Variants in SLAIN2 observed in about 807,000 individuals in gnomAD.
SLAIN2 encodes the protein SLAIN family member 2.
In SLAIN2, 31 loss-of-function variants were observed where a neutral mutation model predicts 56.6. The observed-to-expected ratio is 0.55, with a 90% CI of 0.41 to 0.74. The LOEUF (loss-of-function observed/expected upper bound fraction) is 0.74, where lower values mean the gene tolerates loss of function less well. Ranked by LOEUF, SLAIN2 falls within the 30% of genes least tolerant of loss-of-function variation. SLAIN2 has a pLI of 0.00. For synonymous variants in SLAIN2, 317 were observed against 284.9 expected, an observed-to-expected ratio of 1.11 and a Z score of -1.13; for missense variants, 777 against 754.2, an observed-to-expected ratio of 1.03 and a Z score of -0.35.
At position 48,420,106 on chromosome 4, in the gene SLAIN2, T is replaced by C. The variant is rs779745952; in HGVS notation, c.1361-19T>C. ...ACAGATTTCCACTCAAAAATTGGTT[T>C]TTCTTTGCCATCCCACAGTACCTTC... is the stretch of plus-strand genomic sequence containing the variant. On this transcript the variant is annotated intron_variant, in intron 6 of 7. Transcript: ENST00000264313. 2 of 1,610,538 alleles carry C rather than the reference T, an allele frequency of 1.2e-6. No individual in the cohort carries two copies. Among genetic ancestry groups the C allele is most frequent in the East Asian group, 4.5e-5 (2 of 44,698 alleles).
At chr4:48,420,485 A>G (rs768912623) in intron 7 of SLAIN2, 42 bp downstream of exon 7, 2 of 1,600,874 alleles carry the variant, frequency 1.2e-6, no homozygotes, top group East Asian at 4.5e-5. Flanking sequence ...TGAGTGCCTG[A>G]AAGTGGATAG....
chr4:48,367,734 C>T (rs1715556537), intron 1 of SLAIN2, among the ~76,000 whole-genome samples: 1 of 151,944 alleles, frequency 6.6e-6, no homozygotes, highest in African/African-American at 2.4e-5. Context: ...CACTTTGCAA[C>T]TTTTTAAAAA....
chr4:48,385,728 G>A (rs1427657449), intron 6 of SLAIN2, among the ~76,000 whole-genome samples: 1 of 151,078 alleles, frequency 6.6e-6, no homozygotes, highest in African/African-American at 2.4e-5. Flanking sequence ...CACCTTCCTG[G>A]GCTCAAGTGA....
intron 1 of SLAIN2, among the ~76,000 whole-genome samples, chr4:48,358,212 AT>A (rs1429738421): frequency 1.3e-5 from 2 of 152,172 alleles, no homozygotes; most frequent in Admixed American, 1.3e-4. Flanking sequence ...TAATTTTGTA[AT>A]GAAGATTGAA....
chr4:48,419,447 C>T (rs1420817189), intron 6 of SLAIN2, among the ~76,000 whole-genome samples: 2 of 152,108 alleles, frequency 1.3e-5, no homozygotes, highest in Non-Finnish European at 2.9e-5. Flanking sequence ...GTCACCCAGG[C>T]CGGAGTGCAG....
intron 2 of SLAIN2, among the ~76,000 whole-genome samples, 178 bp downstream of exon 2, chr4:48,370,175 A>G (rs947379891): frequency 2.0e-5 from 3 of 152,192 alleles, no homozygotes; most frequent in Non-Finnish European, 2.9e-5. Context: ...CATTTACTTA[A>G]TAGCTTTTTA....
chr4:48,379,860 A>G lies in SLAIN2; in HGVS notation c.862+12A>G, dbSNP rs1015789659. On this transcript the variant is annotated intron_variant, in intron 4 of 7. Transcript: ENST00000264313. Reference sequence around the variant, plus strand: ...GATGCAGGAAGAAAGTAAGTATTCTAATTGTTAAGAGTTGAGGTTTTTTAC... The same window carrying G: ...GATGCAGGAAGAAAGTAAGTATTCTGATTGTTAAGAGTTGAGGTTTTTTAC... 1 of 1,535,748 alleles carries G rather than the reference A, an allele frequency of 6.5e-7. No homozygotes were observed. The highest frequency in any genetic ancestry group is 2.3e-5 in the Admixed American group (1 of 44,144).
At chr4:48,362,747 A>ATTTTTTTTTTTTTTTTTTTTT (rs1715365516) in intron 1 of SLAIN2, among the ~76,000 whole-genome samples, 2 of 51,500 alleles carry the variant, frequency 3.9e-5, no homozygotes, top group East Asian at 5.8e-4. Flanking sequence ...TTTTTTTTTT[A>ATTTTTTTTTTTTTTTTTTTTT]TTCTTTTTTT....
At chr4:48,389,675 T>A (rs1427973352) in intron 6 of SLAIN2, among the ~76,000 whole-genome samples, 1 of 152,170 alleles carries the variant, frequency 6.6e-6, no homozygotes, top group African/African-American at 2.4e-5. Context: ...GAGATATAGG[T>A]TTTCCCAACA....
At position 48,341,540 on chromosome 4, in the gene SLAIN2, C is replaced by G. The variant is rs1380846399; in HGVS notation, c.-200C>G. On this transcript the variant is annotated 5_prime_UTR_variant, in exon 1 of 8. Coordinates refer to ENST00000264313, the MANE Select transcript of SLAIN2 (RefSeq NM_020846.2). ...GCGCCGCCTCCCCCAATCCCGGAGC[C>G]GGCGCAGATGAGGCAGTTCGGCTGG... The G allele has an allele frequency of 1.4e-6, 1 of 696,624 alleles. No homozygotes were observed. The allele number at this position is 696,624 out of a possible 1,614,324, so 43.2% of individuals were successfully genotyped here. A position where few individuals can be genotyped will look rare whatever the true frequency, so the allele number is the denominator to read the frequency against.
chr4:48,366,615 A>G (rs1444651456), intron 1 of SLAIN2, among the ~76,000 whole-genome samples: 1 of 151,690 alleles, frequency 6.6e-6, no homozygotes, highest in Non-Finnish European at 1.5e-5. Flanking sequence ...ATTTTTTCCC[A>G]TTCTTTTACT....
chr4:48,411,574 T>C (rs1454129627), intron 6 of SLAIN2, among the ~76,000 whole-genome samples: 1 of 151,342 alleles, frequency 6.6e-6, no homozygotes, highest in Non-Finnish European at 1.5e-5. Flanking sequence ...GGAATGTCCC[T>C]GTTCTGCTCT....
At chr4:48,391,094 A>T (rs1239452314) in intron 6 of SLAIN2, among the ~76,000 whole-genome samples, 3 of 152,230 alleles carry the variant, frequency 2.0e-5, no homozygotes, top group Non-Finnish European at 4.4e-5. Flanking sequence ...AATCGCATAT[A>T]ATGACAGAAT....
intron 1 of SLAIN2, among the ~76,000 whole-genome samples, chr4:48,351,388 G>A (rs1370573102): frequency 6.6e-6 from 1 of 152,164 alleles, no homozygotes; most frequent in Non-Finnish European, 1.5e-5. Context: ...TTTAGGCTTT[G>A]AATGCTTATA....
intron 6 of SLAIN2, 26 bp from the exon 7 acceptor site, chr4:48,420,099 A>G: frequency 1.9e-6 from 3 of 1,609,154 alleles, no homozygotes; most frequent in African/African-American, 1.3e-5. Context: ...CCACTCAAAA[A>G]TTGGTTTTTC....
chr4:48,355,639 CAG>C (rs1164545714), intron 1 of SLAIN2, among the ~76,000 whole-genome samples: 1 of 152,024 alleles, frequency 6.6e-6, no homozygotes, highest in African/African-American at 2.4e-5. Context: ...GTTGTATAAA[CAG>C]AATACAGTAT....
intron 1 of SLAIN2, among the ~76,000 whole-genome samples, chr4:48,356,308 A>G (rs1281341205): frequency 1.3e-5 from 2 of 152,224 alleles, no homozygotes; most frequent in Non-Finnish European, 2.9e-5. Flanking sequence ...ATCCATACAT[A>G]TACCCATGTG....
At chr4:48,356,388 ATCT>A (rs1232884329) in intron 1 of SLAIN2, among the ~76,000 whole-genome samples, 1 of 151,992 alleles carries the variant, frequency 6.6e-6, no homozygotes. Context: ...AGCTGAAAAG[ATCT>A]GTACTAGTAG....
At chr4:48,398,888 G>A (rs934841324) in intron 6 of SLAIN2, among the ~76,000 whole-genome samples, 7 of 152,130 alleles carry the variant, frequency 4.6e-5, no homozygotes, top group Admixed American at 3.9e-4. Flanking sequence ...TGCCGTTTTG[G>A]TAACTCTAGC....
Sources: allele counts gnomAD v4.1 joint callset (sites outside exome capture counted in the v4.1 genomes callset), GRCh38; gene constraint gnomAD v4.1.1; transcripts MANE v1.5; gene names NCBI Gene and HGNC (gene_info 2026-07-23, HGNC 2026-07-21).